MYO18B: variants seen among roughly 807,000 people sequenced by gnomAD.
MYO18B encodes myosin XVIIIB, also known as unconventional myosin-XVIIIb.
In MYO18B, 204 loss-of-function variants were observed where a neutral mutation model predicts 273.0. The observed-to-expected ratio is 0.75, with a 90% CI of 0.67 to 0.84. MYO18B has a LOEUF of 0.84. Among genes scored for constraint, MYO18B ranks in the 40% least tolerant of loss-of-function variants. The probability of loss-of-function intolerance (pLI) is 0.00; values close to 1 mark genes in which losing one functional copy is unlikely to be tolerated. For missense variants in MYO18B, 3,212 were observed against 3,287.6 expected, an observed-to-expected ratio of 0.98 and a Z score of 0.56; for synonymous variants, 1,330 against 1,305.7, an observed-to-expected ratio of 1.02 and a Z score of -0.40.
At chr22:25,816,419 A>C (rs574318471) in intron 12 of MYO18B, among the ~76,000 whole-genome samples, 51 of 152,260 alleles carry the variant, frequency 3.3e-4, no homozygotes, top group Non-Finnish European at 6.2e-4. Context: ...ATAGGTATAC[A>C]TGTTCCACAT....
chr22:26,000,623 T>C (rs1253930689), intron 40 of MYO18B, among the ~76,000 whole-genome samples: 1 of 151,468 alleles, frequency 6.6e-6, no homozygotes, highest in Non-Finnish European at 1.5e-5. Flanking sequence ...AAGGCTTCAT[T>C]GCGGATCATC....
At chr22:25,806,111 T>C (rs1414118359) in intron 12 of MYO18B, among the ~76,000 whole-genome samples, 1 of 152,192 alleles carries the variant, frequency 6.6e-6, no homozygotes, top group Non-Finnish European at 1.5e-5. Flanking sequence ...ATGTGCTCAA[T>C]AGGTATTTAC....
intron 39 of MYO18B, among the ~76,000 whole-genome samples, chr22:25,972,355 G>C (rs1359051809): frequency 1.3e-5 from 2 of 152,100 alleles, no homozygotes; most frequent in South Asian, 4.1e-4. Flanking sequence ...GTATTTACTT[G>C]TTATTATTAC....
chr22:25,759,796 C>T (rs192895997), intron 1 of MYO18B, among the ~76,000 whole-genome samples: 36 of 152,276 alleles, frequency 2.4e-4, no homozygotes, highest in Middle Eastern at 3.4e-3. Context: ...TGGTTTCATA[C>T]TGTTACTGCG....
intron 34 of MYO18B, 113 bp downstream of exon 34, chr22:25,921,522 C>T: frequency 7.6e-7 from 1 of 1,317,692 alleles, no homozygotes; most frequent in Admixed American, 2.2e-5. Flanking sequence ...CTCCAACTTT[C>T]ACAGATGTGC....
chr22:25,946,255 C>G lies in MYO18B; in HGVS notation c.5631+5C>G. 6.4e-7 allele frequency: 1 copy of G among 1,557,930 alleles called. No homozygotes were observed. Among genetic ancestry groups the G allele is most frequent in the Admixed American group, 1.9e-5 (1 of 52,342 alleles). On this transcript the variant is annotated splice_donor_5th_base_variant and intron_variant, in intron 35 of 43. Transcript: ENST00000335473. ...ATGACGCGGAACAAGAGCCTGGTACCTGTCCCTTCCTGCAGCTGCAGGGAC... is the reference window on the plus strand; with the variant it reads ...ATGACGCGGAACAAGAGCCTGGTACGTGTCCCTTCCTGCAGCTGCAGGGAC...
Position 26,027,569 on chromosome 22 carries a change from G to C in MYO18B, c.7595G>C (p.Arg2532Pro). ...ATCAAAAGTCGACCAGGAATCCCAC[G>C]ACTTGCGGGTGACGGTGGCGAGCGA... ...DSIKSRPGIP[R>P]LAGDGGERTS... is the part of the protein sequence containing the mutation. The change falls in exon 43 of 44, where the codon CGA becomes CCA. Residue 2532 changes from arginine (R) to proline (P), a missense_variant. Arg to Pro is a moderately radical substitution (Grantham distance 103). Transcript: ENST00000335473. The surrounding 1 kb of genome is among the most constrained non-coding windows in gnomAD (Gnocchi z 4.1). 1 of 1,613,956 alleles carries C rather than the reference G, an allele frequency of 6.2e-7. No individual in the cohort carries two copies. Among genetic ancestry groups the C allele is most frequent in the South Asian group, 1.1e-5 (1 of 91,070 alleles).
At position 25,903,742 on chromosome 22, in the gene MYO18B, A is replaced by G. The variant is rs1486079604; in HGVS notation, c.5059A>G (p.Lys1687Glu). The G allele has an allele frequency of 3.7e-6, 6 of 1,605,522 alleles. No homozygotes were observed. The change falls in exon 31 of 44, where the codon AAG (lysine) becomes GAG (glutamate). Residue 1687 changes from lysine (K) to glutamate (E), a missense_variant. Physicochemically the swap from Lys to Glu is moderately conservative, Grantham distance 56. Transcript: ENST00000335473. ...SLGENCVAGL[K>E]ERLWKLESSA... ...GGGGGAAAATTGCGTTGCTGGCTTG[A>G]AGGAGAGGCTCTGGAAGTTGGAATC... is the stretch of plus-strand genomic sequence containing the variant.
intron 39 of MYO18B, among the ~76,000 whole-genome samples, chr22:25,970,547 G>T (rs1460896498): frequency 6.6e-6 from 1 of 152,004 alleles, no homozygotes; most frequent in Non-Finnish European, 1.5e-5. Flanking sequence ...CACCTCTGCC[G>T]CCCGCCCGCT....
chr22:25,972,184 C>T (rs975202470), intron 39 of MYO18B, among the ~76,000 whole-genome samples: 6 of 151,072 alleles, frequency 4.0e-5, no homozygotes, highest in African/African-American at 1.5e-4. Context: ...ACTCACAGGT[C>T]ATTACATATA....
At chr22:25,821,638 G>A (rs991118703) in intron 12 of MYO18B, among the ~76,000 whole-genome samples, 5 of 152,100 alleles carry the variant, frequency 3.3e-5, no homozygotes, top group African/African-American at 1.2e-4. Flanking sequence ...TTAGCTGGGC[G>A]TGGTGGTGGG....
At chr22:25,879,938 C>T (rs2091293836) in intron 25 of MYO18B, among the ~76,000 whole-genome samples, 1 of 152,148 alleles carries the variant, frequency 6.6e-6, no homozygotes, top group African/African-American at 2.4e-5. Flanking sequence ...CACTCACTAT[C>T]ACTAGAACAG....
chr22:25,963,954 G>C (rs2092948319), intron 39 of MYO18B: 1 of 152,114 alleles, frequency 6.6e-6, no homozygotes, highest in African/African-American at 2.4e-5. Flanking sequence ...CATCCATGCA[G>C]TGCCCGTGAG....
chr22:25,782,272 T>C (rs907947365), intron 10 of MYO18B, among the ~76,000 whole-genome samples: 6 of 152,216 alleles, frequency 3.9e-5, no homozygotes, highest in African/African-American at 1.4e-4. Flanking sequence ...GATAGTGGCA[T>C]GTCAGTACTG....
chr22:25,819,598 CT>C (rs2089188623), intron 12 of MYO18B, among the ~76,000 whole-genome samples: 2 of 152,280 alleles, frequency 1.3e-5, no homozygotes, highest in Admixed American at 1.3e-4. Flanking sequence ...CATTATTGTG[CT>C]TGTGTAATAT....
chr22:25,769,539 C>G, intron 4 of MYO18B, 111 bp downstream of exon 4: 1 of 1,001,852 alleles, frequency 1.0e-6, no homozygotes, highest in South Asian at 1.8e-5. Context: ...GGGGGGTGGG[C>G]AGGGAATTGG....
intron 39 of MYO18B, among the ~76,000 whole-genome samples, chr22:25,955,880 G>T (rs2146651967): frequency 6.6e-6 from 1 of 152,210 alleles, no homozygotes; most frequent in Middle Eastern, 3.4e-3. Context: ...AGCTATTTCT[G>T]GGCTGTTAAT....
At chr22:26,004,297 T>C (rs1934239806) in intron 41 of MYO18B, among the ~76,000 whole-genome samples, 1 of 152,068 alleles carries the variant, frequency 6.6e-6, no homozygotes, top group Non-Finnish European at 1.5e-5. Flanking sequence ...CCAGATAAGG[T>C]AAGGAAGGAG....
intron 27 of MYO18B, among the ~76,000 whole-genome samples, chr22:25,894,073 G>A (rs1275171610): frequency 6.6e-6 from 1 of 152,154 alleles, no homozygotes; most frequent in Non-Finnish European, 1.5e-5. Flanking sequence ...TTTACTATAT[G>A]CTAGGCATTA....
Sources: gnomAD v4.1 joint callset for allele counts (sites outside exome capture counted in the v4.1 genomes callset) on GRCh38, gnomAD v4.1.1 for gene constraint, Gnocchi (gnomAD v3.1) non-coding constraint, MANE v1.5 for transcripts, NCBI Gene and HGNC (gene_info 2026-07-23, HGNC 2026-07-21) for gene names.